Variants in TENM3 observed in about 807,000 individuals in gnomAD.
TENM3 encodes the protein teneurin transmembrane protein 3.
In TENM3, 63 loss-of-function variants were observed where a neutral mutation model predicts 255.1. The observed-to-expected ratio is 0.25, with a 90% CI of 0.20 to 0.30. The LOEUF (loss-of-function observed/expected upper bound fraction) is 0.30, where lower values mean the gene tolerates loss of function less well. Ranked by LOEUF, TENM3 falls within the 10% of genes least tolerant of loss-of-function variation. TENM3 has a pLI of 1.00. For synonymous variants in TENM3, 1,306 were observed against 1,322.3 expected, an observed-to-expected ratio of 0.99 and a Z score of 0.27; for missense variants, 2,929 against 3,461.1, an observed-to-expected ratio of 0.85 and a Z score of 3.86.
intron 12 of TENM3, among the ~76,000 whole-genome samples, chr4:182,704,705 A>G (rs1325136171): frequency 6.6e-6 from 1 of 152,246 alleles, no homozygotes; most frequent in Non-Finnish European, 1.5e-5. Context: ...TGTAAAAAGA[A>G]TAAAATATGT....
At chr4:182,566,845 T>C (rs960678457) in intron 3 of TENM3, among the ~76,000 whole-genome samples, 2 of 152,226 alleles carry the variant, frequency 1.3e-5, no homozygotes, top group African/African-American at 4.8e-5. Flanking sequence ...ACAGGTGTGT[T>C]TGCCAGGCCA....
At chr4:182,467,079 CT>C (rs994405372) in intron 3 of TENM3, among the ~76,000 whole-genome samples, 1 of 151,982 alleles carries the variant, frequency 6.6e-6, no homozygotes. Context: ...AGTTTTTATG[CT>C]TTTTTTATTT....
chr4:181,630,489 T>C, the TENM3 span, among the ~76,000 whole-genome samples: 2 of 152,210 alleles, frequency 1.3e-5, no homozygotes, highest in Non-Finnish European at 2.9e-5. Context: ...GCTATAAATT[T>C]CCCTCTACAC....
intron 1 of TENM3, among the ~76,000 whole-genome samples, chr4:182,150,739 A>G (rs986987354): frequency 3.3e-5 from 5 of 152,000 alleles, no homozygotes; most frequent in Non-Finnish European, 7.4e-5. Flanking sequence ...TCTTTCCTTT[A>G]TTTAATTACT....
chr4:181,996,579 G>C, the TENM3 span, among the ~76,000 whole-genome samples: 1 of 152,176 alleles, frequency 6.6e-6, no homozygotes, highest in African/African-American at 2.4e-5. Context: ...TAGGGAAGAG[G>C]TGCTGACTTG....
chr4:181,508,774 G>T, the TENM3 span, among the ~76,000 whole-genome samples: 1 of 151,816 alleles, frequency 6.6e-6, no homozygotes, highest in Admixed American at 6.6e-5. Context: ...TCATCCCACT[G>T]ATGCCAGGAA....
At chr4:181,784,262 A>G in the TENM3 span, among the ~76,000 whole-genome samples, 1 of 151,874 alleles carries the variant, frequency 6.6e-6, no homozygotes, top group African/African-American at 2.4e-5. Flanking sequence ...TTTTTATTTG[A>G]ATCACATATG....
At chr4:182,442,332 C>A (rs1321303704) in intron 3 of TENM3, among the ~76,000 whole-genome samples, 3 of 152,070 alleles carry the variant, frequency 2.0e-5, no homozygotes, top group Non-Finnish European at 4.4e-5. Flanking sequence ...CATATGGATT[C>A]TTTTGAAATG....
intron 3 of TENM3, among the ~76,000 whole-genome samples, chr4:182,593,944 G>T (rs987165972): frequency 2.7e-4 from 41 of 152,044 alleles, no homozygotes; most frequent in African/African-American, 9.6e-4. Context: ...ATGGCAGCCT[G>T]GGAGCTGCCA....
At chr4:181,501,624 C>T in the TENM3 span, among the ~76,000 whole-genome samples, 17,194 of 151,994 alleles carry the variant, frequency 0.11, 1,830 homozygotes, top group African/African-American at 0.28. Flanking sequence ...GTAATCTGCC[C>T]GCCTTGACCT....
the TENM3 span, among the ~76,000 whole-genome samples, chr4:181,786,111 AT>A: frequency 6.6e-6 from 1 of 152,336 alleles, no homozygotes; most frequent in Admixed American, 6.5e-5. Context: ...CACCAGTTGA[AT>A]TCTCAGAAAA....
chr4:181,478,357 C>T, the TENM3 span, among the ~76,000 whole-genome samples: 1 of 152,132 alleles, frequency 6.6e-6, no homozygotes, highest in Non-Finnish European at 1.5e-5. Flanking sequence ...ATTAAAATGG[C>T]ATCTTTAAGT....
the TENM3 span, among the ~76,000 whole-genome samples, chr4:181,705,481 T>A: frequency 6.6e-6 from 1 of 152,254 alleles, no homozygotes; most frequent in Non-Finnish European, 1.5e-5. Context: ...AACCATCATT[T>A]TCATTGATGA....
chr4:182,004,882 G>A, the TENM3 span, among the ~76,000 whole-genome samples: 1 of 152,176 alleles, frequency 6.6e-6, no homozygotes, highest in East Asian at 1.9e-4. Context: ...TTTGAGAAGT[G>A]TCTCTTCATA....
the TENM3 span, among the ~76,000 whole-genome samples, chr4:181,507,710 G>A: frequency 6.6e-6 from 1 of 152,220 alleles, no homozygotes; most frequent in South Asian, 2.1e-4. Flanking sequence ...TTGAATAGCG[G>A]TGAAACAGAT....
At chr4:181,650,106 A>T in the TENM3 span, among the ~76,000 whole-genome samples, 1 of 152,146 alleles carries the variant, frequency 6.6e-6, no homozygotes, top group East Asian at 1.9e-4. Context: ...TAGGAAAGGA[A>T]CACCTGTCAC....
At chr4:182,707,135 C>A (rs766801833) in intron 12 of TENM3, among the ~76,000 whole-genome samples, 1 of 152,090 alleles carries the variant, frequency 6.6e-6, no homozygotes, top group Admixed American at 6.6e-5. Context: ...GTGAATTCAT[C>A]ACGGCCAATT....
At chr4:181,883,281 C>T in the TENM3 span, among the ~76,000 whole-genome samples, 3 of 152,032 alleles carry the variant, frequency 2.0e-5, no homozygotes, top group Admixed American at 2.0e-4. Flanking sequence ...TGTGTGGGTG[C>T]ACACGTGTGT....
the TENM3 span, among the ~76,000 whole-genome samples, chr4:181,932,211 T>C: frequency 6.6e-6 from 1 of 152,130 alleles, no homozygotes; most frequent in Non-Finnish European, 1.5e-5. Context: ...CAAAAGAAAC[T>C]ATCATCAGAG....
Sources: allele counts gnomAD v4.1 joint callset (sites outside exome capture counted in the v4.1 genomes callset), GRCh38; gene constraint gnomAD v4.1.1; transcripts MANE v1.5; gene names NCBI Gene and HGNC (gene_info 2026-07-23, HGNC 2026-07-21).